Variants in TRUB1 observed in about 807,000 individuals in gnomAD.
The protein encoded by TRUB1 is pseudouridylate synthase TRUB1.
A neutral mutation model predicts 33.9 loss-of-function variants in TRUB1; 23 were observed. The observed-to-expected ratio is 0.68, with a 90% CI of 0.49 to 0.96. The LOEUF is 0.96. Ranked by LOEUF, TRUB1 falls within the 40% of genes least tolerant of loss-of-function variation. The pLI is 0.00. For synonymous variants in TRUB1, 163 were observed against 165.4 expected, an observed-to-expected ratio of 0.99 and a Z score of 0.11; for missense variants, 378 against 422.2, an observed-to-expected ratio of 0.90 and a Z score of 0.92.
chr10:114,974,706 T>G (rs1041994082), intron 7 of TRUB1, among the ~76,000 whole-genome samples: 1 of 152,064 alleles, frequency 6.6e-6, no homozygotes, highest in Admixed American at 6.6e-5. Flanking sequence ...AGATTTAACC[T>G]TCTAAAAGTT....
intron 4 of TRUB1, among the ~76,000 whole-genome samples, chr10:114,961,562 C>T (rs1004541265): frequency 1.3e-5 from 2 of 152,070 alleles, no homozygotes; most frequent in African/African-American, 4.8e-5. Context: ...ATTTACTTAC[C>T]TTAAAGAAAG....
chr10:114,954,044 T>A (rs1564698980), intron 3 of TRUB1, among the ~76,000 whole-genome samples: 1 of 149,680 alleles, frequency 6.7e-6, no homozygotes, highest in Non-Finnish European at 1.5e-5. Context: ...GTATTCTTGA[T>A]ACTTTTCCTT....
chr10:114,955,915 T>G (rs1186980087), intron 3 of TRUB1, among the ~76,000 whole-genome samples: 1 of 152,218 alleles, frequency 6.6e-6, no homozygotes, highest in Non-Finnish European at 1.5e-5. Flanking sequence ...CACATGTTTT[T>G]GGTTTGATAG....
chr10:114,970,391 G>A lies in TRUB1; in HGVS notation c.547G>A (p.Glu183Lys), dbSNP rs751207706. The A allele has an allele frequency of 4.3e-6, 7 of 1,612,292 alleles. No homozygotes were observed. Among genetic ancestry groups the A allele is most frequent in the Non-Finnish European group, 5.9e-6 (7 of 1,178,788 alleles). ...AGATAAAATAACACAAGAAGATATT[G>A]AAGGCATTCTACAGAAATTTACTGG... ...PYDKITQEDIEGILQKFTGNI... is the reference protein window; with the variant it reads ...PYDKITQEDIKGILQKFTGNI... The change falls in exon 5 of 8, where the codon GAA becomes AAA. Residue 183 changes from glutamate (E) to lysine (K), a missense_variant. Physicochemically the swap from Glu to Lys is moderately conservative, Grantham distance 56. Coordinates refer to ENST00000298746, the MANE Select transcript of TRUB1 (RefSeq NM_139169.5).
Position 114,959,766 on chromosome 10 carries a change from C to G in TRUB1, c.482C>G (p.Thr161Arg), listed in dbSNP as rs151175881. Residue 161 changes from threonine to arginine, a missense_variant, in exon 4 of 8, where the codon ACA becomes AGA. Transcript: ENST00000298746. The part of the protein sequence containing the change: ...AIGELGKATD[T>R]LDSTGRVTEE... Reference sequence around the variant, plus strand: ...GGAGAACTGGGGAAAGCTACTGATACACTAGATTCTACGGGGAGGGTAACA... The same window carrying G: ...GGAGAACTGGGGAAAGCTACTGATAGACTAGATTCTACGGGGAGGGTAACA... 1.2e-6 allele frequency: 2 copies of G among 1,609,408 alleles called. No homozygotes were observed. Among genetic ancestry groups the G allele is most frequent in the Non-Finnish European group, 8.5e-7 (1 of 1,175,870 alleles).
chr10:114,957,915 A>G (rs1395349709), intron 3 of TRUB1, among the ~76,000 whole-genome samples: 2 of 152,224 alleles, frequency 1.3e-5, no homozygotes, highest in East Asian at 3.8e-4. Flanking sequence ...CTGTAACCAG[A>G]TGAGTCAACT....
At chr10:114,944,521 T>C (rs1056410659) in intron 2 of TRUB1, among the ~76,000 whole-genome samples, 12 of 152,142 alleles carry the variant, frequency 7.9e-5, no homozygotes, top group Admixed American at 7.2e-4. Context: ...TAGCCGGGCA[T>C]GGTGGCATGT....
Position 114,969,121 on chromosome 10 carries a change from C to CTT in TRUB1, c.524-1233_524-1232dup, listed in dbSNP as rs71473075. Among the ~76,000 whole-genome samples, 126 of 135,694 alleles carry CTT rather than the reference C, an allele frequency of 9.3e-4. 5 individuals are homozygous for CTT. The South Asian group carries it at 0.029, about 31-fold the overall frequency. 89.0% of individuals were successfully genotyped at this position (135,694 alleles called of 152,430 possible). A position where few individuals can be genotyped will look rare whatever the true frequency, so the allele number is the denominator to read the frequency against. On this transcript the variant is annotated intron_variant, in intron 4 of 7. Coordinates refer to ENST00000298746, the MANE Select transcript of TRUB1 (RefSeq NM_139169.5). The stretch of plus-strand genomic sequence containing the variant: ...AAAATTATAGAACTGTATTTTTTGT[C>CTT]TTTTTTTTTTTTTTTAAATATGGAA...
intron 3 of TRUB1, among the ~76,000 whole-genome samples, chr10:114,959,489 T>C (rs1246977830): frequency 6.6e-6 from 1 of 152,220 alleles, no homozygotes; most frequent in African/African-American, 2.4e-5. Context: ...GCCATAATTA[T>C]CAATAAAATC....
rs535568650 is a variant in TRUB1 at position 114,970,300 on chromosome 10, T to C, written c.524-68T>C. On this transcript the variant is annotated intron_variant, in intron 4 of 7. Coordinates refer to ENST00000298746, the MANE Select transcript of TRUB1 (RefSeq NM_139169.5). The stretch of plus-strand genomic sequence containing the variant: ...GTTTTAAATGAATTTTCAGGGCTGT[T>C]GGTGCTGTGAAAATAGTACATGTAC... 2.7e-6 allele frequency: 3 copies of C among 1,095,334 alleles called. No individual in the cohort carries two copies. In the East Asian group the frequency reaches 7.1e-5, roughly 26 times the overall value. 67.9% of individuals were successfully genotyped at this position (1,095,334 alleles called of 1,614,324 possible).
At chr10:114,974,449 G>T in intron 7 of TRUB1, 64 bp downstream of exon 7, 1 of 1,432,638 alleles carries the variant, frequency 7.0e-7, no homozygotes, top group Non-Finnish European at 9.8e-7. Context: ...AATTGGAAGA[G>T]GGAATTTTCC....
In TRUB1 at chr10:114,938,388, GGCC is replaced by G. The variant is rs781107180; in HGVS notation, c.138_140del (p.Ala48del). 3 of 1,607,624 alleles carry G rather than the reference GGCC, an allele frequency of 1.9e-6. No individual in the cohort carries two copies. Among genetic ancestry groups the G allele is most frequent in the African/African-American group, 2.7e-5 (2 of 74,712 alleles). On this transcript the variant is annotated inframe_deletion, in exon 1 of 8. Coordinates refer to ENST00000298746, the MANE Select transcript of TRUB1 (RefSeq NM_139169.5). ...CAAGGGCTGCAGCCGCGGTGGTTGC[GGCC>G]GCGGCCAGGACCGGATCCGAAGCCA...
intron 4 of TRUB1, among the ~76,000 whole-genome samples, chr10:114,961,488 T>C (rs768989705): frequency 3.3e-5 from 5 of 152,218 alleles, no homozygotes; most frequent in Non-Finnish European, 5.9e-5. Context: ...TATCCTTTCT[T>C]CCTATTCTTA....
At chr10:114,962,990 C>T (rs2084290662) in intron 4 of TRUB1, among the ~76,000 whole-genome samples, 1 of 152,190 alleles carries the variant, frequency 6.6e-6, no homozygotes, top group South Asian at 2.1e-4. Context: ...CTACTATTGC[C>T]AGTGTCTCTG....
intron 2 of TRUB1, among the ~76,000 whole-genome samples, chr10:114,948,961 C>T (rs1337585181): frequency 6.6e-6 from 1 of 152,236 alleles, no homozygotes; most frequent in Non-Finnish European, 1.5e-5. Context: ...AGGCCTAATA[C>T]AAACTCCGAA....
intron 1 of TRUB1, among the ~76,000 whole-genome samples, chr10:114,938,775 T>G (rs2143019752): frequency 6.6e-6 from 1 of 152,348 alleles, no homozygotes; most frequent in South Asian, 2.1e-4. Flanking sequence ...ATCCCGTACT[T>G]ACACAATAAA....
intron 3 of TRUB1, among the ~76,000 whole-genome samples, chr10:114,956,278 T>C (rs920508708): frequency 1.3e-5 from 2 of 152,176 alleles, no homozygotes; most frequent in Non-Finnish European, 2.9e-5. Flanking sequence ...ATGAATACAG[T>C]AGTAGAATTC....
chr10:114,948,918 TTC>T (rs1320488873), intron 2 of TRUB1, among the ~76,000 whole-genome samples: 1 of 152,216 alleles, frequency 6.6e-6, no homozygotes, highest in Non-Finnish European at 1.5e-5. Context: ...CATGCTTCTC[TTC>T]TCTCTGTTGT....
chr10:114,954,617 T>G (rs1412150769), intron 3 of TRUB1, among the ~76,000 whole-genome samples: 1 of 152,020 alleles, frequency 6.6e-6, no homozygotes, highest in Non-Finnish European at 1.5e-5. Flanking sequence ...GAGTGAGCTT[T>G]GTTCTGCCAG....
Sources: allele counts gnomAD v4.1 joint callset (sites outside exome capture counted in the v4.1 genomes callset), GRCh38; gene constraint gnomAD v4.1.1; transcripts MANE v1.5; gene names NCBI Gene and HGNC (gene_info 2026-07-23, HGNC 2026-07-21).